The following ZNF460 variants were observed in gnomAD, a reference collection of about 807,000 sequenced individuals.
ZNF460 encodes the protein zinc finger protein 272.
A neutral mutation model predicts 8.4 loss-of-function variants in ZNF460; 1 was observed. The observed-to-expected ratio is 0.12, with a 90% CI of 0.04 to 0.56. The LOEUF (loss-of-function observed/expected upper bound fraction) is 0.56. Ranked by LOEUF, ZNF460 falls within the 20% of genes least tolerant of loss-of-function variation. ZNF460 has a pLI of 0.91. For synonymous variants in ZNF460, 262 were observed against 259.9 expected, an observed-to-expected ratio of 1.01 and a Z score of -0.08; for missense variants, 477 against 714.8, an observed-to-expected ratio of 0.67 and a Z score of 3.79.
At position 57,292,370 on chromosome 19, in the gene ZNF460, GAA is replaced by G. The variant is rs2087925110; in HGVS notation, c.*142_*143del. ...ACCATCTGGTCATTCATACTGAAGAGAAACTCCATAAGTATCATCTCTGTGGG... is the reference window on the plus strand; with the variant it reads ...ACCATCTGGTCATTCATACTGAAGAGACTCCATAAGTATCATCTCTGTGGG... On this transcript the variant is annotated 3_prime_UTR_variant, in exon 3 of 3. Coordinates refer to ENST00000360338, the MANE Select transcript of ZNF460 (RefSeq NM_006635.4). 2.3e-6 allele frequency: 2 copies of G among 860,760 alleles called. No individual in the cohort carries two copies. The highest frequency in any genetic ancestry group is 3.6e-6 in the Non-Finnish European group (2 of 555,840). 53.3% of individuals were successfully genotyped at this position (860,760 alleles called of 1,614,324 possible). A position where few individuals can be genotyped will look rare whatever the true frequency, so the allele number is the denominator to read the frequency against.
Position 57,280,685 on chromosome 19 carries a change from C to T in ZNF460, c.-122C>T, listed in dbSNP as rs1382998370. ...CCGTCTCCTCAGCCCCGACGCTGCGCCTTGGGCCTTGTGCGCATTTTTTTC... is the reference window on the plus strand; with the variant it reads ...CCGTCTCCTCAGCCCCGACGCTGCGTCTTGGGCCTTGTGCGCATTTTTTTC... On this transcript the variant is annotated 5_prime_UTR_variant, in exon 1 of 3. Transcript: ENST00000360338. 3.5e-6 allele frequency: 5 copies of T among 1,429,446 alleles called. No individual in the cohort carries two copies. The highest frequency in any genetic ancestry group is 1.3e-5 in the South Asian group (1 of 79,894). 88.5% of individuals were successfully genotyped at this position (1,429,446 alleles called of 1,614,324 possible).
intron 1 of ZNF460, 105 bp downstream of exon 1, chr19:57,280,941 GTTTA>G (rs2087833867): frequency 1.2e-5 from 18 of 1,508,740 alleles, no homozygotes; most frequent in Non-Finnish European, 1.4e-5. Context: ...TGTCGCCATC[GTTTA>G]TTTAAGAGAA....
At position 57,293,833 on chromosome 19, in the gene ZNF460, A is replaced by G. The variant is rs1297665508; in HGVS notation, c.*1603A>G. The stretch of plus-strand genomic sequence containing the variant: ...CATTCTCAACCTTTTATGCTTGCAT[A>G]TGAGTAGAAACATGGAGTATTTCTC... On this transcript the variant is annotated 3_prime_UTR_variant, in exon 3 of 3. Coordinates refer to ENST00000360338, the MANE Select transcript of ZNF460 (RefSeq NM_006635.4). 1 of 152,212 alleles carries G rather than the reference A, an allele frequency of 6.6e-6. No homozygotes were observed. The highest frequency in any genetic ancestry group is 1.5e-5 in the Non-Finnish European group (1 of 68,030). 9.4% of individuals were successfully genotyped at this position (152,212 alleles called of 1,614,324 possible).
At position 57,292,780 on chromosome 19, in the gene ZNF460, A is replaced by G. The variant is rs2087928378; in HGVS notation, c.*550A>G. The G allele has an allele frequency of 6.5e-6, 1 of 153,018 alleles. No homozygotes were observed. Among genetic ancestry groups the G allele is most frequent in the East Asian group, 1.9e-4 (1 of 5,214 alleles). The allele number at this position is 153,018 out of a possible 1,614,324, so 9.5% of individuals were successfully genotyped here. On this transcript the variant is annotated 3_prime_UTR_variant, in exon 3 of 3. Transcript: ENST00000360338. ...TCACTGCTGTCCAGTGCTGTAGACA[A>G]ACGGTTTGTTTGAAAACATTTTGTG...
In ZNF460 at chr19:57,292,837, A is replaced by C. The variant is rs891313848; in HGVS notation, c.*607A>C. 6.6e-6 allele frequency: 1 copy of C among 152,374 alleles called. No homozygotes were observed. Among genetic ancestry groups the C allele is most frequent in the African/African-American group, 2.4e-5 (1 of 41,394 alleles). The allele number at this position is 152,374 out of a possible 1,614,324, so 9.4% of individuals were successfully genotyped here. A position where few individuals can be genotyped will look rare whatever the true frequency, so the allele number is the denominator to read the frequency against. On this transcript the variant is annotated 3_prime_UTR_variant, in exon 3 of 3. Transcript: ENST00000360338. The stretch of plus-strand genomic sequence containing the variant: ...TGCTTTGTTCCACAGCATTGTCTCC[A>C]CTCTTGAGGAGCAGAAGCATATATC...
chr19:57,288,250 T>C (rs10407062), intron 2 of ZNF460, among the ~76,000 whole-genome samples: 64,700 of 151,892 alleles, frequency 0.43, 14,227 homozygotes, highest in Non-Finnish European at 0.47. Context: ...TCGCCCAGGC[T>C]GGAGCGCAGT....
chr19:57,288,484 C>T (rs566412288), intron 2 of ZNF460, among the ~76,000 whole-genome samples: 6 of 152,304 alleles, frequency 3.9e-5, no homozygotes, highest in Admixed American at 2.0e-4. Flanking sequence ...CATGAGCCAC[C>T]GTGCCCAGCC....
At chr19:57,285,891 A>G (rs2087876303) in intron 2 of ZNF460, among the ~76,000 whole-genome samples, 1 of 152,124 alleles carries the variant, frequency 6.6e-6, no homozygotes, top group Admixed American at 6.6e-5. Flanking sequence ...TCCTCTGAGC[A>G]CAGCACTTGG....
rs2087931627 is a variant in ZNF460 at position 57,293,176 on chromosome 19, A to G, written c.*946A>G. The G allele has an allele frequency of 6.6e-6, 1 of 152,234 alleles. No individual in the cohort carries two copies. The highest frequency in any genetic ancestry group is 6.5e-5 in the Admixed American group (1 of 15,278). The allele number at this position is 152,234 out of a possible 1,614,324, so 9.4% of individuals were successfully genotyped here. A position where few individuals can be genotyped will look rare whatever the true frequency, so the allele number is the denominator to read the frequency against. ...AGCTTTTTTACTGCTCTTTAGAGAG[A>G]GTAAATAGTTCAAAATTCACCTCAA... On this transcript the variant is annotated 3_prime_UTR_variant, in exon 3 of 3. Transcript: ENST00000360338.
chr19:57,287,815 C>T (rs1271528809), intron 2 of ZNF460, among the ~76,000 whole-genome samples: 2 of 152,096 alleles, frequency 1.3e-5, no homozygotes, highest in African/African-American at 2.4e-5. Context: ...ATGGTGAAAC[C>T]CCATTTCTAC....
At chr19:57,281,357 A>G (rs576972096) in intron 1 of ZNF460, among the ~76,000 whole-genome samples, 12 of 152,082 alleles carry the variant, frequency 7.9e-5, no homozygotes, top group Non-Finnish European at 1.6e-4. Context: ...CTAAAGTGGC[A>G]CCTTACACCC....
At chr19:57,284,725 C>CTTCA (rs1329857408) in intron 2 of ZNF460, 48 bp downstream of exon 2, 1 of 1,528,266 alleles carries the variant, frequency 6.5e-7, no homozygotes, top group South Asian at 1.3e-5. Flanking sequence ...CAGAAAGCAG[C>CTTCA]TTCATTCTAG....
rs140169065 is a variant in ZNF460, at chr19:57,290,964, G to A, written c.423G>A (p.Gln141=). ...TADGICSMMI[Q]NQVSPEDALY... ...ATGGTATTTGTTCAATGATGATACA[G>A]AACCAAGTCTCACCAGAAGATGCTC... The change falls in exon 3 of 3, where the codon CAG becomes CAA. Residue 141 remains glutamine, a synonymous_variant. Transcript: ENST00000360338. 6.1e-5 allele frequency: 99 copies of A among 1,614,208 alleles called. 1 individual carries two copies. In the Middle Eastern group the frequency reaches 6.6e-4, roughly 11 times the overall value.
At chr19:57,289,157 C>A (rs998921736) in intron 2 of ZNF460, among the ~76,000 whole-genome samples, 1 of 151,980 alleles carries the variant, frequency 6.6e-6, no homozygotes, top group South Asian at 2.1e-4. Context: ...TTTTCTTTTT[C>A]AAGATCCAGT....
chr19:57,281,016 G>T (rs2087834518), intron 1 of ZNF460, among the ~76,000 whole-genome samples, 180 bp downstream of exon 1: 1 of 152,170 alleles, frequency 6.6e-6, no homozygotes, highest in African/African-American at 2.4e-5. Context: ...CCTCTGATAG[G>T]TGTTCAGTCC....
At chr19:57,285,337 T>C (rs1373369204) in intron 2 of ZNF460, among the ~76,000 whole-genome samples, 1 of 152,208 alleles carries the variant, frequency 6.6e-6, no homozygotes, top group African/African-American at 2.4e-5. Context: ...GGTCTGCTCC[T>C]GTCACTGTCT....
At chr19:57,284,779 G>A in intron 2 of ZNF460, 102 bp downstream of exon 2, 1 of 1,295,214 alleles carries the variant, frequency 7.7e-7, no homozygotes, top group Non-Finnish European at 1.0e-6. Flanking sequence ...TAGGTCTTGG[G>A]AGCCAGCCCT....
In ZNF460 at chr19:57,293,644, T is replaced by C. The variant is rs1477736393; in HGVS notation, c.*1414T>C. Reference sequence around the variant, plus strand: ...TAGAAACATTCACAGTCTGCTTTTCTAGCTATTTGAAAATATAAAATGTAT... The same window carrying C: ...TAGAAACATTCACAGTCTGCTTTTCCAGCTATTTGAAAATATAAAATGTAT... On this transcript the variant is annotated 3_prime_UTR_variant, in exon 3 of 3. Transcript: ENST00000360338. 6.6e-6 allele frequency: 1 copy of C among 152,244 alleles called. No homozygotes were observed. The allele number at this position is 152,244 out of a possible 1,614,324, so 9.4% of individuals were successfully genotyped here.
Position 57,291,714 on chromosome 19 carries a change from T to A in ZNF460, c.1173T>A (p.Pro391=). Reference sequence around the variant, plus strand: ...AAAGAGCCCACACTGGAGAAAAGCCTTTTGAGTGCAAAGAATGTGGGAAAG... The same window carrying A: ...AAAGAGCCCACACTGGAGAAAAGCCATTTGAGTGCAAAGAATGTGGGAAAG... ...LHERAHTGEK[P]FECKECGKAF... is the part of the protein sequence containing the mutation. Residue 391 remains proline (P), a synonymous_variant, in exon 3 of 3, where the codon CCT becomes CCA. Coordinates refer to ENST00000360338, the MANE Select transcript of ZNF460 (RefSeq NM_006635.4). The surrounding 1 kb of genome is among the most constrained non-coding windows in gnomAD (Gnocchi z 8.4). 6.2e-7 allele frequency: 1 copy of A among 1,613,918 alleles called. No individual in the cohort carries two copies.
Sources: gnomAD v4.1 joint callset for allele counts (sites outside exome capture counted in the v4.1 genomes callset) on GRCh38, gnomAD v4.1.1 for gene constraint, Gnocchi (gnomAD v3.1) non-coding constraint, MANE v1.5 for transcripts, NCBI Gene and HGNC (gene_info 2026-07-23, HGNC 2026-07-21) for gene names.